Variants in NCOR2 observed in about 807,000 individuals in gnomAD.
NCOR2 encodes the protein nuclear receptor corepressor 2.
A neutral mutation model predicts 262.9 loss-of-function variants in NCOR2; 81 were observed. The ratio of observed to expected loss-of-function variants is 0.31; its 90% CI spans 0.26 to 0.37. The LOEUF (loss-of-function observed/expected upper bound fraction) is 0.37, where lower values mean the gene tolerates loss of function less well. Among genes scored for constraint, NCOR2 ranks in the 10% least tolerant of loss-of-function variants. NCOR2 has a pLI of 1.00. For missense variants in NCOR2, 3,385 were observed against 3,621.4 expected, an observed-to-expected ratio of 0.93 and a Z score of 1.68; for synonymous variants, 1,659 against 1,559.3, an observed-to-expected ratio of 1.06 and a Z score of -1.51.
chr12:124,407,914 C>A (rs1217563636), intron 13 of NCOR2, among the ~76,000 whole-genome samples: 1 of 152,188 alleles, frequency 6.6e-6, no homozygotes. Context: ...GGGGTCAGAG[C>A]CGAGGCAGAA....
At chr12:124,325,392 C>CCCCCCCCCCGG in exon 47 of NCOR2, 3 of 1,152,270 alleles carry the variant, frequency 2.6e-6, no homozygotes, top group Non-Finnish European at 3.3e-6. Flanking sequence ...CCCCCCCGCC[C>CCCCCCCCCCGG]TGTTCTGAGT....
rs979491993 is a variant in NCOR2, at chr12:124,457,764, C to T, written c.706-602G>A. Among the ~76,000 whole-genome samples the T allele has an allele frequency of 1.3e-5, 2 of 152,322 alleles. No individual in the cohort carries two copies. The highest frequency in any genetic ancestry group is 4.1e-4 in the South Asian group (2 of 4,824). On this transcript the variant is annotated intron_variant, in intron 5 of 46. Coordinates refer to ENST00000405201, the Ensembl canonical transcript of NCOR2. This position sits in a 1 kb window ranked among gnomAD's most constrained non-coding sequence, Gnocchi z 4.0. ...AAACAGGAACATGTGGCGCAGGGCT[C>T]GGTGGCCGCTCCATCAATAGGCTGG... is the stretch of plus-strand genomic sequence containing the variant.
At chr12:124,371,638 G>C (rs921374680) in intron 20 of NCOR2, among the ~76,000 whole-genome samples, 1 of 152,162 alleles carries the variant, frequency 6.6e-6, no homozygotes. Context: ...GCTGCGTCTC[G>C]GCCTGCATGG....
chr12:124,387,595 G>A (rs895766159), intron 16 of NCOR2, among the ~76,000 whole-genome samples: 1 of 152,176 alleles, frequency 6.6e-6, no homozygotes, highest in Non-Finnish European at 1.5e-5. Flanking sequence ...CTGTTCGCCT[G>A]CCGTGGCCCT....
chr12:124,401,283 T>C (rs2342920), intron 14 of NCOR2, among the ~76,000 whole-genome samples: 90,271 of 151,728 alleles, frequency 0.59, 28,411 homozygotes, highest in East Asian at 0.75. Context: ...AATAAGGCCA[T>C]GTGGACAGGT....
rs1056797455 is a variant in NCOR2, at chr12:124,553,127, C to T, written c.-165+14181G>A. ...GTCCATCACCCTTTATGGCTTCTAG[C>T]GGCTGCCTGCACTCCTTGGCTAATG... On this transcript the variant is annotated intron_variant, in intron 1 of 32. Coordinates refer to the NCOR2 transcript ENST00000458234. Among the ~76,000 whole-genome samples, 7 of 152,296 alleles carry T rather than the reference C, an allele frequency of 4.6e-5. 1 individual carries two copies. Among genetic ancestry groups the T allele is most frequent in the Admixed American group, 3.3e-4 (5 of 15,288 alleles).
intron 1 of NCOR2, 68 bp from the exon 4 acceptor site, chr12:124,486,636 A>T: frequency 6.6e-7 from 1 of 1,506,310 alleles, no homozygotes; most frequent in Non-Finnish European, 8.9e-7. Flanking sequence ...GGCAGGGCAC[A>T]GTGGGCAAGG....
intron 13 of NCOR2, among the ~76,000 whole-genome samples, chr12:124,418,253 C>A (rs1041576190): frequency 6.6e-6 from 1 of 152,182 alleles, no homozygotes; most frequent in Non-Finnish European, 1.5e-5. Context: ...ACGATCCCTG[C>A]GGATAAGGAC....
Position 124,327,515 on chromosome 12 carries a change from C to T in NCOR2, c.7077G>A (p.Pro2359=), listed in dbSNP as rs572386788. Residue 2359 remains proline, a synonymous_variant, in exon 45 of 47, where the codon CCG becomes CCA. Transcript: ENST00000405201. ...GAGGGTTAAAAGCATTGGCGCTGAG[C>T]GGCGGGGACTCTTCCCACTGGTCAT... 2.1e-5 allele frequency: 34 copies of T among 1,613,800 alleles called. 1 individual carries two copies. In the Admixed American group the frequency reaches 3.5e-4, roughly 17 times the overall value.
At chr12:124,361,640 C>G (rs1295793661) in intron 22 of NCOR2, among the ~76,000 whole-genome samples, 1 of 152,242 alleles carries the variant, frequency 6.6e-6, no homozygotes, top group Non-Finnish European at 1.5e-5. Context: ...GAGGGCAGCC[C>G]TTCCTGCCCA....
rs774603214 is a variant in NCOR2, at chr12:124,337,180, C to G, written c.5688G>C (p.Arg1896Ser). 94 of 1,542,702 alleles carry G rather than the reference C, an allele frequency of 6.1e-5. No individual in the cohort carries two copies. Among genetic ancestry groups the G allele is most frequent in the Non-Finnish European group, 8.1e-5 (92 of 1,141,568 alleles). Reference sequence around the variant, plus strand: ...GAACGGGTGAGGAGGTGGAGGTGGACCTGGGGGAGGAGAGAAGGCGGTCAG... The same window carrying G: ...GAACGGGTGAGGAGGTGGAGGTGGAGCTGGGGGAGGAGAGAAGGCGGTCAG... Residue 1896 changes from arginine to serine, a missense_variant and splice_region_variant, in exon 38 of 47, where the codon AGG becomes AGC. Arg to Ser is a moderately radical substitution (Grantham distance 110, BLOSUM62 -1). Coordinates refer to ENST00000405201, the Ensembl canonical transcript of NCOR2.
chr12:124,512,632 A>G (rs1397108178), intron 1 of NCOR2, among the ~76,000 whole-genome samples: 1 of 151,956 alleles, frequency 6.6e-6, no homozygotes, highest in Non-Finnish European at 1.5e-5. Context: ...GACATTGCCC[A>G]TTTCCTGAAA....
chr12:124,500,202 C>G (rs2048623116), upstream of NCOR2, among the ~76,000 whole-genome samples: 1 of 152,138 alleles, frequency 6.6e-6, no homozygotes, highest in Non-Finnish European at 1.5e-5. Context: ...AAGCAGGCCT[C>G]TGCACATCCA....
At chr12:124,371,295 C>T (rs1272546068) in intron 20 of NCOR2, among the ~76,000 whole-genome samples, 4 of 151,760 alleles carry the variant, frequency 2.6e-5, no homozygotes, top group Non-Finnish European at 5.9e-5. Flanking sequence ...CTCGGGCCTT[C>T]GCACTTGCTG....
chr12:124,429,504 G>C, intron 10 of NCOR2, 109 bp downstream of exon 12: 1 of 1,192,738 alleles, frequency 8.4e-7, no homozygotes, highest in South Asian at 1.4e-5. Context: ...CGGTGGCAAA[G>C]CCCCTCGACG....
intron 1 of NCOR2, among the ~76,000 whole-genome samples, chr12:124,490,718 G>A (rs1347065751): frequency 1.3e-5 from 2 of 152,208 alleles, no homozygotes; most frequent in East Asian, 3.9e-4. Flanking sequence ...GCCTGGCCCA[G>A]GCAGTCTCCA....
intron 13 of NCOR2, among the ~76,000 whole-genome samples, chr12:124,413,695 G>A (rs2042711823): frequency 6.6e-6 from 1 of 152,150 alleles, no homozygotes; most frequent in Non-Finnish European, 1.5e-5. Flanking sequence ...CACTGGGAGT[G>A]GGGGTGCTGA....
chr12:124,515,703 G>A (rs116417692), intron 1 of NCOR2, among the ~76,000 whole-genome samples: 2,854 of 151,800 alleles, frequency 0.019, 77 homozygotes, highest in African/African-American at 0.066. Context: ...GTGCATGTTC[G>A]TGTGACTGTG....
chr12:124,525,076 A>G (rs2050393826), intron 1 of NCOR2, among the ~76,000 whole-genome samples: 1 of 152,258 alleles, frequency 6.6e-6, no homozygotes, highest in African/African-American at 2.4e-5. Context: ...TAAATGTGAA[A>G]AACAGCCCAG....
Sources: allele counts gnomAD v4.1 joint callset (sites outside exome capture counted in the v4.1 genomes callset), GRCh38; gene constraint gnomAD v4.1.1; non-coding constraint Gnocchi (gnomAD v3.1); transcripts MANE v1.5; gene names NCBI Gene and HGNC (gene_info 2026-07-23, HGNC 2026-07-21).